PPP2R1B: variants seen among roughly 807,000 people sequenced by gnomAD.
PPP2R1B encodes protein phosphatase 2 scaffold subunit Abeta.
PPP2R1B carries 58 observed loss-of-function variants against 72.7 expected under a neutral mutation model. The observed-to-expected ratio is 0.80, with a 90% confidence interval of 0.65 to 0.99. The LOEUF is 0.99. PPP2R1B is among the 50% of genes least tolerant of loss of function. The probability of loss-of-function intolerance (pLI) is 0.00; values close to 1 mark genes in which losing one functional copy is unlikely to be tolerated. For synonymous variants in PPP2R1B, 256 were observed against 264.6 expected, an observed-to-expected ratio of 0.97 and a Z score of 0.32; for missense variants, 695 against 733.6, an observed-to-expected ratio of 0.95 and a Z score of 0.61.
chr11:111,692,387 A>AAAAAAAAAAAC, the PPP2R1B span, among the ~76,000 whole-genome samples: 2 of 113,486 alleles, frequency 1.8e-5, no homozygotes, highest in Admixed American at 9.8e-5. Flanking sequence ...AAAAAAAAAA[A>AAAAAAAAAAAC]ACACAAAAAG....
chr11:111,706,000 G>A, the PPP2R1B span, among the ~76,000 whole-genome samples: 3 of 152,152 alleles, frequency 2.0e-5, no homozygotes, highest in Non-Finnish European at 2.9e-5. The surrounding 1 kb of genome is among the most constrained non-coding windows in gnomAD (Gnocchi z 4.3). Flanking sequence ...GCAATGGTTC[G>A]GAGAGGCAGC....
At chr11:111,689,304 G>A in the PPP2R1B span, among the ~76,000 whole-genome samples, 46,119 of 151,976 alleles carry the variant, frequency 0.3, 8,317 homozygotes, top group East Asian at 0.62. Context: ...CATGGGTAGG[G>A]GTAAAGTGGA....
At chr11:111,712,063 A>G in the PPP2R1B span, 8 of 804,518 alleles carry the variant, frequency 9.9e-6, no homozygotes, top group Non-Finnish European at 1.6e-5. Context: ...CACCATGTAT[A>G]TATTTCACTA....
the PPP2R1B span, among the ~76,000 whole-genome samples, chr11:111,703,629 A>G: frequency 1.5e-4 from 23 of 152,234 alleles, no homozygotes; most frequent in Non-Finnish European, 1.0e-4. Flanking sequence ...CTGCCAAAAC[A>G]TTCAAGAGGA....
chr11:111,690,278 T>C, the PPP2R1B span, among the ~76,000 whole-genome samples: 157 of 151,088 alleles, frequency 1.0e-3, 3 homozygotes, highest in Non-Finnish European at 3.1e-4. Flanking sequence ...CTTTCTTTTT[T>C]TTTTTTTTTT....
rs1944411570 is a variant in PPP2R1B at position 111,738,575 on chromosome 11, G to C, written c.*3021C>G. 7.1e-6 allele frequency: 7 copies of C among 985,484 alleles called. No individual in the cohort carries two copies. In the African/African-American group the frequency reaches 8.7e-5, roughly 12 times the overall value. The allele number at this position is 985,484 out of a possible 1,614,324, so 61.0% of individuals were successfully genotyped here. A position where few individuals can be genotyped will look rare whatever the true frequency, so the allele number is the denominator to read the frequency against. On this transcript the variant is annotated 3_prime_UTR_variant, in exon 15 of 15. Transcript: ENST00000527614. ...AAGGTCAGGCTGCCGTCTCTGTTGA[G>C]TCAGGACAAGTTGTCTGGCAAAGAC... is the stretch of plus-strand genomic sequence containing the variant.
rs782096441 is a variant in PPP2R1B, at chr11:111,760,856, G to C, written c.502C>G (p.Pro168Ala). 2 of 1,614,140 alleles carry C rather than the reference G, an allele frequency of 1.2e-6. No individual in the cohort carries two copies. The highest frequency in any genetic ancestry group is 1.7e-6 in the Non-Finnish European group (2 of 1,180,012). Residue 168 changes from proline to alanine, a missense_variant, in exon 4 of 15, where the codon CCC becomes GCC. Pro to Ala is a conservative substitution (Grantham distance 27). Transcript: ENST00000527614. ...SACGLFSVCY[P>A]RASNAVKAEI... ...GCTTTAACAGCATTTGATGCCCTGG[G>C]ATAGCAAACGCTGAACAAACCACAT...
chr11:111,708,149 A>G, the PPP2R1B span, among the ~76,000 whole-genome samples: 1 of 152,174 alleles, frequency 6.6e-6, no homozygotes, highest in Admixed American at 6.5e-5. Flanking sequence ...TGGGAGGCCA[A>G]GGCAGGTGGT....
intron 15 of PPP2R1B, chr11:111,728,149 C>T (rs1350268895): frequency 6.6e-6 from 1 of 152,126 alleles, no homozygotes. Context: ...CCTCTAACTG[C>T]CTCCTGGGAA....
the PPP2R1B span, chr11:111,701,491 C>T: frequency 4.3e-6 from 7 of 1,613,904 alleles, no homozygotes; most frequent in Non-Finnish European, 5.1e-6. This position sits in a 1 kb window ranked among gnomAD's most constrained non-coding sequence, Gnocchi z 4.2. Flanking sequence ...CTGTGGAGCT[C>T]TGCCCTTTGA....
chr11:111,701,039 A>G, the PPP2R1B span: 1 of 1,611,016 alleles, frequency 6.2e-7, no homozygotes, highest in Non-Finnish European at 8.5e-7. The surrounding 1 kb of genome is among the most constrained non-coding windows in gnomAD (Gnocchi z 4.2). Flanking sequence ...GTGTTGTTAA[A>G]TGCATCTATA....
chr11:111,718,495 T>C, the PPP2R1B span, among the ~76,000 whole-genome samples: 1 of 152,226 alleles, frequency 6.6e-6, no homozygotes, highest in East Asian at 1.9e-4. Context: ...TTTAAAACCC[T>C]GTAATGCATT....
chr11:111,763,453 G>A (rs1268608770), intron 3 of PPP2R1B, among the ~76,000 whole-genome samples: 3 of 152,208 alleles, frequency 2.0e-5, no homozygotes, highest in Non-Finnish European at 4.4e-5. Context: ...CATCTGCTGG[G>A]TGATGTGAAC....
chr11:111,713,985 A>G, the PPP2R1B span, among the ~76,000 whole-genome samples: 1 of 152,158 alleles, frequency 6.6e-6, no homozygotes, highest in Non-Finnish European at 1.5e-5. Context: ...AATAAATAAA[A>G]TATGATCAGT....
chr11:111,724,188 T>C (rs1040453331), downstream of PPP2R1B: 17 of 1,534,872 alleles, frequency 1.1e-5, no homozygotes, highest in African/African-American at 1.9e-4. Context: ...CCTATTTTTA[T>C]TCCAGCCTTT....
the PPP2R1B span, among the ~76,000 whole-genome samples, chr11:111,713,794 C>T: frequency 1.3e-4 from 20 of 152,262 alleles, no homozygotes; most frequent in Non-Finnish European, 2.5e-4. Flanking sequence ...TGGCGAAACT[C>T]CGTCTCTACT....
downstream of PPP2R1B, among the ~76,000 whole-genome samples, chr11:111,734,872 A>G (rs952572573): frequency 6.6e-6 from 1 of 152,228 alleles, no homozygotes; most frequent in African/African-American, 2.4e-5. Context: ...TGGGAGGAAC[A>G]GGACATGCAG....
chr11:111,703,178 T>A, the PPP2R1B span: 1 of 1,608,608 alleles, frequency 6.2e-7, no homozygotes, highest in East Asian at 2.2e-5. Flanking sequence ...TTCTTGTGAC[T>A]TTTGTAACAT....
chr11:111,714,706 G>T, the PPP2R1B span, among the ~76,000 whole-genome samples: 1 of 152,142 alleles, frequency 6.6e-6, no homozygotes, highest in Non-Finnish European at 1.5e-5. Context: ...ATTCAAGAAG[G>T]CCGACCATGA....
Sources: gnomAD v4.1 joint callset for allele counts (sites outside exome capture counted in the v4.1 genomes callset) on GRCh38, gnomAD v4.1.1 for gene constraint, Gnocchi (gnomAD v3.1) non-coding constraint, MANE v1.5 for transcripts, NCBI Gene and HGNC (gene_info 2026-07-23, HGNC 2026-07-21) for gene names.